Variants in B3GALT1 observed in about 807,000 individuals in gnomAD.
B3GALT1 encodes UDP-Gal:betaGlcNAc beta 1,3-galactosyltransferase, polypeptide 1.
B3GALT1 carries 10 observed loss-of-function variants against 23.2 expected under a neutral mutation model. The ratio of observed to expected loss-of-function variants is 0.43; its 90% CI spans 0.27 to 0.73. The LOEUF is 0.73. Ranked by LOEUF, B3GALT1 falls within the 30% of genes least tolerant of loss-of-function variation. The pLI is 0.21. For missense variants in B3GALT1, 299 were observed against 405.4 expected, an observed-to-expected ratio of 0.74 and a Z score of 2.25; for synonymous variants, 156 against 141.5, an observed-to-expected ratio of 1.10 and a Z score of -0.73.
At chr2:167,653,423 G>A (rs1685899989) in intron 3 of B3GALT1, among the ~76,000 whole-genome samples, 1 of 152,236 alleles carries the variant, frequency 6.6e-6, no homozygotes, top group East Asian at 1.9e-4. Context: ...TGCCCATGAT[G>A]ATCTCACTGT....
intron 3 of B3GALT1, among the ~76,000 whole-genome samples, chr2:167,658,277 T>C (rs991043834): frequency 3.3e-5 from 5 of 151,912 alleles, no homozygotes; most frequent in Non-Finnish European, 7.4e-5. Context: ...ATTGAGAGAA[T>C]TGAAAAAGAA....
intron 1 of B3GALT1, among the ~76,000 whole-genome samples, chr2:167,440,286 T>A (rs1251830041): frequency 1.4e-5 from 2 of 139,148 alleles, no homozygotes; most frequent in Non-Finnish European, 3.0e-5. Flanking sequence ...GAGCTTGCAG[T>A]GAGCCAAGAT....
intron 3 of B3GALT1, among the ~76,000 whole-genome samples, chr2:167,729,231 G>C (rs1430227075): frequency 6.6e-6 from 1 of 152,220 alleles, no homozygotes; most frequent in Non-Finnish European, 1.5e-5. Flanking sequence ...GGGGTAACTT[G>C]TTGAATGAGC....
chr2:167,508,425 A>C (rs1699955687), intron 2 of B3GALT1, among the ~76,000 whole-genome samples: 4 of 151,346 alleles, frequency 2.6e-5, no homozygotes, highest in Admixed American at 2.6e-4. Flanking sequence ...CTCCCGGCTA[A>C]TTTTTTATAT....
intron 1 of B3GALT1, among the ~76,000 whole-genome samples, chr2:167,457,291 G>A (rs1398765191): frequency 6.6e-6 from 1 of 151,942 alleles, no homozygotes; most frequent in Admixed American, 6.6e-5. Flanking sequence ...TCCTGCCTCA[G>A]CCTCCCACGT....
chr2:167,790,828 C>T (rs1688426317), intron 3 of B3GALT1, among the ~76,000 whole-genome samples: 1 of 152,140 alleles, frequency 6.6e-6, no homozygotes, highest in Non-Finnish European at 1.5e-5. Context: ...ATCAATTTTG[C>T]ACCTTTTAAT....
At chr2:167,521,985 T>TATATATATATATATATATATACAC (rs1553464216) in intron 2 of B3GALT1, among the ~76,000 whole-genome samples, 1,668 of 103,070 alleles carry the variant, frequency 0.016, 9 homozygotes, top group Admixed American at 0.022. Context: ...TGTGTGTGTG[T>TATATATATATATATATATATACAC]ATATATATAT....
At chr2:167,636,656 T>TA (rs1558932475) in intron 2 of B3GALT1, among the ~76,000 whole-genome samples, 1 of 152,176 alleles carries the variant, frequency 6.6e-6, no homozygotes. Flanking sequence ...TATGCAGTCA[T>TA]AAAAAAGGAT....
At chr2:167,327,281 C>G (rs1696910154) in intron 1 of B3GALT1, among the ~76,000 whole-genome samples, 1 of 152,044 alleles carries the variant, frequency 6.6e-6, no homozygotes, top group South Asian at 2.1e-4. Flanking sequence ...TTTTCTCTTT[C>G]TGTGGAAAAA....
chr2:167,406,437 A>G (rs115718267), intron 1 of B3GALT1, among the ~76,000 whole-genome samples: 2,764 of 152,114 alleles, frequency 0.018, 37 homozygotes, highest in Non-Finnish European at 0.027. Context: ...AAGTGGAGAA[A>G]CTCCAAGCAG....
At chr2:167,561,633 G>A (rs893391163) in intron 2 of B3GALT1, among the ~76,000 whole-genome samples, 4 of 152,118 alleles carry the variant, frequency 2.6e-5, no homozygotes, top group South Asian at 2.1e-4. Flanking sequence ...TATCACCACC[G>A]ATCCCACAGA....
chr2:167,627,596 G>A (rs909579074), intron 2 of B3GALT1, among the ~76,000 whole-genome samples: 4 of 151,604 alleles, frequency 2.6e-5, no homozygotes, highest in Admixed American at 6.6e-5. Context: ...GAAATGTTGC[G>A]AGATTTTTGC....
chr2:167,553,889 A>T (rs56329281), intron 2 of B3GALT1, among the ~76,000 whole-genome samples: 1,695 of 152,316 alleles, frequency 0.011, 17 homozygotes, highest in Admixed American at 0.014. Context: ...AAAAGAAGGT[A>T]AAAGGACAGA....
At chr2:167,715,149 C>A (rs1389894459) in intron 3 of B3GALT1, 22 of 1,613,802 alleles carry the variant, frequency 1.4e-5, no homozygotes, top group Non-Finnish European at 1.9e-5. Context: ...GGAGGATCAT[C>A]TAAGTAAGCA....
intron 1 of B3GALT1, among the ~76,000 whole-genome samples, chr2:167,407,819 G>T (rs1406480957): frequency 1.3e-5 from 2 of 151,942 alleles, no homozygotes; most frequent in Admixed American, 6.6e-5. Context: ...CAAGTAACAA[G>T]ATTTAAGCCA....
chr2:167,783,300 C>T (rs1409677264), intron 3 of B3GALT1, among the ~76,000 whole-genome samples: 4 of 152,042 alleles, frequency 2.6e-5, no homozygotes, highest in African/African-American at 7.2e-5. Flanking sequence ...CACATGAGGA[C>T]ATTTTTCTGT....
intron 2 of B3GALT1, among the ~76,000 whole-genome samples, chr2:167,593,547 T>C (rs1228527024): frequency 2.6e-5 from 4 of 152,216 alleles, no homozygotes; most frequent in Non-Finnish European, 5.9e-5. Context: ...TCAAATGATT[T>C]CAGTTTTATA....
At chr2:167,360,030 T>A (rs1038857030) in intron 1 of B3GALT1, among the ~76,000 whole-genome samples, 3 of 152,196 alleles carry the variant, frequency 2.0e-5, no homozygotes, top group African/African-American at 4.8e-5. Context: ...TCTGCTTTTC[T>A]CATAATTTTA....
At chr2:167,616,983 A>T (rs1049836720) in intron 2 of B3GALT1, among the ~76,000 whole-genome samples, 6 of 152,126 alleles carry the variant, frequency 3.9e-5, no homozygotes, top group Admixed American at 6.6e-5. Flanking sequence ...AAATATAATA[A>T]CCAAACAATG....
Sources: allele counts gnomAD v4.1 joint callset (sites outside exome capture counted in the v4.1 genomes callset), GRCh38; gene constraint gnomAD v4.1.1; transcripts MANE v1.5; gene names NCBI Gene and HGNC (gene_info 2026-07-23, HGNC 2026-07-21).